Variants in KCND2 observed in about 807,000 individuals in gnomAD.
KCND2 encodes potassium voltage-gated channel subfamily D member 2, also known as A-type voltage-gated potassium channel KCND2.
KCND2 carries 16 observed loss-of-function variants against 54.4 expected under a neutral mutation model. The ratio of observed to expected loss-of-function variants is 0.29; its 90% CI spans 0.20 to 0.45. The LOEUF (loss-of-function observed/expected upper bound fraction) is 0.45, where lower values mean the gene tolerates loss of function less well. Among genes scored for constraint, KCND2 ranks in the 20% least tolerant of loss-of-function variants. The pLI is 1.00. For synonymous variants in KCND2, 317 were observed against 310.7 expected (o/e 1.02, Z -0.21); for missense variants, 486 against 824.2 (o/e 0.59, Z 5.02).
intron 1 of KCND2, among the ~76,000 whole-genome samples, chr7:120,456,666 C>G (rs143101763): frequency 5.9e-5 from 9 of 152,152 alleles, no homozygotes; most frequent in African/African-American, 2.2e-4. Context: ...TCTGCTATTT[C>G]ACCTTTTAGA....
At chr7:120,582,140 A>G (rs952113737) in intron 1 of KCND2, among the ~76,000 whole-genome samples, 2 of 152,070 alleles carry the variant, frequency 1.3e-5, no homozygotes, top group African/African-American at 4.8e-5. Flanking sequence ...GTCTTTTCTC[A>G]TTAGATTTTT....
intron 1 of KCND2, among the ~76,000 whole-genome samples, chr7:120,570,651 AATAAC>A (rs1162325992): frequency 5.9e-5 from 9 of 152,312 alleles, no homozygotes; most frequent in Middle Eastern, 6.8e-3. Flanking sequence ...CCCAGGTATA[AATAAC>A]ATATTACCTT....
At chr7:120,378,591 G>A (rs956712786) in intron 1 of KCND2, among the ~76,000 whole-genome samples, 1 of 151,926 alleles carries the variant, frequency 6.6e-6, no homozygotes, top group African/African-American at 2.4e-5. Context: ...TAAGATATTT[G>A]AGATAATCGG....
chr7:120,402,258 G>C (rs1182437327), intron 1 of KCND2, among the ~76,000 whole-genome samples: 1 of 152,074 alleles, frequency 6.6e-6, no homozygotes, highest in Non-Finnish European at 1.5e-5. Flanking sequence ...GAAATCTTCA[G>C]ATGAAAGGAA....
At chr7:120,593,502 C>A (rs1461786798) in intron 1 of KCND2, among the ~76,000 whole-genome samples, 1 of 152,008 alleles carries the variant, frequency 6.6e-6, no homozygotes, top group Non-Finnish European at 1.5e-5. Flanking sequence ...CCAAGCCAAG[C>A]AGTTGACTAT....
At chr7:120,395,047 A>G (rs764376482) in intron 1 of KCND2, among the ~76,000 whole-genome samples, 1 of 151,982 alleles carries the variant, frequency 6.6e-6, no homozygotes, top group East Asian at 2.0e-4. Context: ...TCCTATGATG[A>G]TAACTCCCCA....
chr7:120,676,991 G>A (rs1272250076), intron 1 of KCND2, among the ~76,000 whole-genome samples: 2 of 133,248 alleles, frequency 1.5e-5, no homozygotes, highest in African/African-American at 6.3e-5. Flanking sequence ...GTGAATTTGA[G>A]TTCTGATTAA....
chr7:120,343,416 G>T (rs1800270306), intron 1 of KCND2, among the ~76,000 whole-genome samples: 1 of 152,132 alleles, frequency 6.6e-6, no homozygotes, highest in African/African-American at 2.4e-5. Context: ...CTTCACTTTG[G>T]TGGACTATCA....
At chr7:120,717,927 G>T (rs1246992691) in intron 1 of KCND2, among the ~76,000 whole-genome samples, 1 of 152,032 alleles carries the variant, frequency 6.6e-6, no homozygotes, top group Non-Finnish European at 1.5e-5. Flanking sequence ...GTTAATTTGT[G>T]CCTTTCCACA....
intron 1 of KCND2, among the ~76,000 whole-genome samples, chr7:120,355,006 C>T (rs1322062177): frequency 6.6e-6 from 1 of 152,100 alleles, no homozygotes; most frequent in East Asian, 1.9e-4. Flanking sequence ...TTTAATCATT[C>T]TTCTTGAATT....
At chr7:120,615,814 G>A (rs752992709) in intron 1 of KCND2, among the ~76,000 whole-genome samples, 1 of 152,176 alleles carries the variant, frequency 6.6e-6, no homozygotes, top group South Asian at 2.1e-4. Context: ...ACTTCTCTAG[G>A]ACTTGGGTTT....
At chr7:120,642,967 C>T (rs1397121653) in intron 1 of KCND2, among the ~76,000 whole-genome samples, 1 of 152,194 alleles carries the variant, frequency 6.6e-6, no homozygotes, top group African/African-American at 2.4e-5. Flanking sequence ...ATGGAAAGAA[C>T]TTCCATTGTA....
intron 1 of KCND2, among the ~76,000 whole-genome samples, chr7:120,556,332 C>A (rs971896406): frequency 2.0e-5 from 3 of 152,152 alleles, no homozygotes; most frequent in Non-Finnish European, 2.9e-5. Context: ...CCCCACAGTA[C>A]AAACACACAG....
chr7:120,452,481 G>C (rs1802127359), intron 1 of KCND2, among the ~76,000 whole-genome samples: 1 of 152,118 alleles, frequency 6.6e-6, no homozygotes, highest in African/African-American at 2.4e-5. Flanking sequence ...CACTGGGAGT[G>C]GACAGAGGGA....
At chr7:120,318,827 C>T (rs1490810938) in intron 1 of KCND2, among the ~76,000 whole-genome samples, 1 of 152,014 alleles carries the variant, frequency 6.6e-6, no homozygotes, top group Non-Finnish European at 1.5e-5. Context: ...TTGTACTGAT[C>T]TTTGGAACAA....
chr7:120,743,476 T>A (rs1792966444), intron 4 of KCND2, among the ~76,000 whole-genome samples: 1 of 152,124 alleles, frequency 6.6e-6, no homozygotes, highest in Admixed American at 6.6e-5. Flanking sequence ...TAGCCTCTGT[T>A]TATAAAACAA....
chr7:120,282,024 A>T (rs1336555766), intron 1 of KCND2, among the ~76,000 whole-genome samples: 1 of 152,184 alleles, frequency 6.6e-6, no homozygotes, highest in Non-Finnish European at 1.5e-5. Flanking sequence ...CAAAGGCTAG[A>T]ATTAATGGCT....
intron 1 of KCND2, among the ~76,000 whole-genome samples, chr7:120,685,769 C>A (rs1298406279): frequency 2.0e-5 from 3 of 152,178 alleles, no homozygotes; most frequent in Non-Finnish European, 1.5e-5. Context: ...AAATGAGGAA[C>A]ATTCTGACAA....
chr7:120,730,452 T>G (rs1213298461), intron 1 of KCND2, among the ~76,000 whole-genome samples: 1 of 152,216 alleles, frequency 6.6e-6, no homozygotes, highest in Admixed American at 6.5e-5. Flanking sequence ...CCCAAGACTT[T>G]TGAAAATCAT....
Sources: gnomAD v4.1 joint callset for allele counts (sites outside exome capture counted in the v4.1 genomes callset) on GRCh38, gnomAD v4.1.1 for gene constraint, MANE v1.5 for transcripts, NCBI Gene and HGNC (gene_info 2026-07-23, HGNC 2026-07-21) for gene names.